Variants in HS6ST3 observed in about 807,000 individuals in gnomAD.
HS6ST3 encodes heparan sulfate 6-O-sulfotransferase 3.
HS6ST3 carries 12 observed loss-of-function variants against 36.7 expected under a neutral mutation model. The observed-to-expected ratio is 0.33, with a 90% CI of 0.21 to 0.53. HS6ST3 has a LOEUF of 0.53. Ranked by LOEUF, HS6ST3 falls within the 20% of genes least tolerant of loss-of-function variation. The pLI, the probability that HS6ST3 is intolerant of heterozygous loss-of-function variation, is 0.95. For synonymous variants in HS6ST3, 240 were observed against 257.5 expected (o/e 0.93, Z 0.65); for missense variants, 584 against 640.9 (o/e 0.91, Z 0.96).
At chr13:96,658,231 A>C (rs1017578130) in intron 1 of HS6ST3, among the ~76,000 whole-genome samples, 9 of 134,968 alleles carry the variant, frequency 6.7e-5, no homozygotes, top group Non-Finnish European at 1.3e-4. Context: ...TATATGCCAC[A>C]ATTTATCTTT....
chr13:96,697,085 T>C (rs1298599440), intron 1 of HS6ST3, among the ~76,000 whole-genome samples: 1 of 151,832 alleles, frequency 6.6e-6, no homozygotes, highest in Non-Finnish European at 1.5e-5. Flanking sequence ...TTTGAGAAGA[T>C]AATACATTCA....
intron 1 of HS6ST3, among the ~76,000 whole-genome samples, chr13:96,271,736 G>A (rs1221061695): frequency 6.6e-6 from 1 of 152,024 alleles, no homozygotes; most frequent in East Asian, 1.9e-4. Context: ...AATTTCATCT[G>A]CTGATCTTAG....
intron 1 of HS6ST3, among the ~76,000 whole-genome samples, chr13:96,764,602 A>G (rs1877050082): frequency 6.6e-6 from 1 of 152,200 alleles, no homozygotes; most frequent in African/African-American, 2.4e-5. Flanking sequence ...CAGCCATGCC[A>G]TCTTGCTCAG....
At chr13:96,637,549 A>G (rs1000891328) in intron 1 of HS6ST3, among the ~76,000 whole-genome samples, 5 of 152,110 alleles carry the variant, frequency 3.3e-5, no homozygotes, top group Non-Finnish European at 7.4e-5. Context: ...AGTTCATTCT[A>G]CTAGCTTGTA....
chr13:96,137,041 T>G (rs534798875), intron 1 of HS6ST3, among the ~76,000 whole-genome samples: 1 of 152,268 alleles, frequency 6.6e-6, no homozygotes, highest in East Asian at 1.9e-4. Flanking sequence ...GAAATATAAC[T>G]AATATATGAT....
intron 1 of HS6ST3, among the ~76,000 whole-genome samples, chr13:96,427,024 G>A (rs890268708): frequency 6.6e-6 from 1 of 152,156 alleles, no homozygotes; most frequent in Non-Finnish European, 1.5e-5. Flanking sequence ...CAGCAGAATT[G>A]GGGGTAGGAT....
intron 1 of HS6ST3, among the ~76,000 whole-genome samples, chr13:96,429,938 A>T (rs1283000473): frequency 6.6e-6 from 1 of 152,176 alleles, no homozygotes; most frequent in African/African-American, 2.4e-5. Flanking sequence ...TCTATTGTAG[A>T]TTTAAACCCC....
intron 1 of HS6ST3, among the ~76,000 whole-genome samples, chr13:96,685,229 GC>G (rs1258776094): frequency 1.3e-5 from 2 of 151,998 alleles, no homozygotes; most frequent in East Asian, 3.9e-4. Context: ...GCACTACGTG[GC>G]CCAGATATTG....
chr13:96,196,080 A>C (rs938670513), intron 1 of HS6ST3, among the ~76,000 whole-genome samples: 1 of 152,128 alleles, frequency 6.6e-6, no homozygotes, highest in Non-Finnish European at 1.5e-5. Flanking sequence ...GTACTCTTAC[A>C]GTATGTTCCT....
chr13:96,152,720 T>C (rs1459607967), intron 1 of HS6ST3, among the ~76,000 whole-genome samples: 1 of 152,154 alleles, frequency 6.6e-6, no homozygotes, highest in Non-Finnish European at 1.5e-5. Context: ...CTAAGGTGCA[T>C]TTCTAATCTT....
chr13:96,298,528 T>C (rs1258081147), intron 1 of HS6ST3, among the ~76,000 whole-genome samples: 1 of 152,218 alleles, frequency 6.6e-6, no homozygotes. Context: ...AATTGTTCAT[T>C]TCACAGAGAA....
chr13:96,716,705 ATATC>A (rs1296581689), intron 1 of HS6ST3, among the ~76,000 whole-genome samples: 5 of 152,148 alleles, frequency 3.3e-5, no homozygotes, highest in Admixed American at 2.6e-4. Flanking sequence ...TATAATCTAG[ATATC>A]TATCTATCTA....
At chr13:96,703,839 G>A (rs998617068) in intron 1 of HS6ST3, among the ~76,000 whole-genome samples, 1 of 152,044 alleles carries the variant, frequency 6.6e-6, no homozygotes, top group African/African-American at 2.4e-5. Flanking sequence ...TGGATCATGG[G>A]GGCAGTTTTC....
At chr13:96,408,970 G>A (rs1165216478) in intron 1 of HS6ST3, among the ~76,000 whole-genome samples, 3 of 152,014 alleles carry the variant, frequency 2.0e-5, no homozygotes, top group South Asian at 2.1e-4. Context: ...ATCGAACATC[G>A]TGCAAATGTT....
chr13:96,369,200 T>C lies in HS6ST3; in HGVS notation c.707+277631T>C, dbSNP rs1346705906. 2.6e-5 allele frequency among the ~76,000 whole-genome samples: 4 copies of C among 152,020 alleles called. No individual in the cohort carries two copies. In the East Asian group the frequency reaches 7.8e-4, roughly 29 times the overall value. On this transcript the variant is annotated intron_variant, in intron 1 of 1. Coordinates refer to ENST00000376705, the MANE Select transcript of HS6ST3 (RefSeq NM_153456.4). Reference sequence around the variant, plus strand: ...CTAGAACAAGAACCAAATCCTCCATTAGTGGGGTCACGCCCTCTTGCAGCA... The same window carrying C: ...CTAGAACAAGAACCAAATCCTCCATCAGTGGGGTCACGCCCTCTTGCAGCA...
intron 1 of HS6ST3, among the ~76,000 whole-genome samples, chr13:96,342,529 G>A (rs187647987): frequency 4.6e-4 from 70 of 152,270 alleles, no homozygotes; most frequent in Non-Finnish European, 8.4e-4. Flanking sequence ...CAATTATCAT[G>A]TTTACTTGCT....
intron 1 of HS6ST3, among the ~76,000 whole-genome samples, chr13:96,125,498 T>G (rs2053946146): frequency 6.6e-6 from 1 of 152,160 alleles, no homozygotes; most frequent in African/African-American, 2.4e-5. Flanking sequence ...TTTATTAACC[T>G]CGTCTGTCTC....
At chr13:96,306,249 G>T (rs1489695809) in intron 1 of HS6ST3, among the ~76,000 whole-genome samples, 2 of 151,844 alleles carry the variant, frequency 1.3e-5, no homozygotes, top group Non-Finnish European at 2.9e-5. Flanking sequence ...GACTACAGGT[G>T]CATGCCACCA....
chr13:96,301,619 C>T (rs1256469706), intron 1 of HS6ST3, among the ~76,000 whole-genome samples: 1 of 151,926 alleles, frequency 6.6e-6, no homozygotes, highest in Non-Finnish European at 1.5e-5. Flanking sequence ...TGGCCGGGTG[C>T]GGGGGCTCAC....
Sources: gnomAD v4.1 joint callset for allele counts (sites outside exome capture counted in the v4.1 genomes callset) on GRCh38, gnomAD v4.1.1 for gene constraint, MANE v1.5 for transcripts, NCBI Gene and HGNC (gene_info 2026-07-23, HGNC 2026-07-21) for gene names.